Variants in ACSL1 observed in about 807,000 individuals in gnomAD.
The protein encoded by ACSL1 is acyl-CoA synthetase long chain family member 1.
In ACSL1, 41 loss-of-function variants were observed where a neutral mutation model predicts 98.4. The ratio of observed to expected loss-of-function variants is 0.42; its 90% CI spans 0.32 to 0.54. The LOEUF (loss-of-function observed/expected upper bound fraction) is 0.54, where lower values mean the gene tolerates loss of function less well. Ranked by LOEUF, ACSL1 falls within the 20% of genes least tolerant of loss-of-function variation. The pLI, the probability that ACSL1 is intolerant of heterozygous loss-of-function variation, is 0.13. For synonymous variants in ACSL1, 316 were observed against 322.7 expected (o/e 0.98, Z 0.22); for missense variants, 734 against 883.1 (o/e 0.83, Z 2.14).
At chr4:184,820,121 C>T (rs115511796) in intron 1 of ACSL1, among the ~76,000 whole-genome samples, 2,686 of 152,242 alleles carry the variant, frequency 0.018, 96 homozygotes, top group African/African-American at 0.06. Context: ...AAGTCACCCC[C>T]CTCCGATCCC....
chr4:184,805,530 C>T, intron 1 of ACSL1: 1 of 985,586 alleles, frequency 1.0e-6, no homozygotes, highest in Non-Finnish European at 1.2e-6. Context: ...CACTCACCAT[C>T]TGTGCCACCA....
intron 5 of ACSL1, among the ~76,000 whole-genome samples, chr4:184,780,083 G>A (rs1342464566): frequency 1.3e-5 from 2 of 152,274 alleles, no homozygotes; most frequent in East Asian, 1.9e-4. Flanking sequence ...TGTTGGTCAG[G>A]CTGGTCTGGA....
rs1327451606 is a variant in ACSL1 at position 184,763,171 on chromosome 4, C to T, written c.1517G>A (p.Gly506Asp). The change falls in exon 16 of 21, where the codon GGC (glycine) becomes GAC (aspartate). Residue 506 changes from glycine to aspartate, a missense_variant. Physicochemically the swap from Gly to Asp is moderately conservative, Grantham distance 94. Transcript: ENST00000281455. ...TGACTGACGGTTTTCACTCACCTCG[C>T]CCTCGCCCTCGGCAGCCATGTAATT... ...EMNYMAAEGE[G>D]EVCVKGPNVF... The T allele has an allele frequency of 6.2e-7, 1 of 1,613,312 alleles. No homozygotes were observed. Among genetic ancestry groups the T allele is most frequent in the Non-Finnish European group, 8.5e-7 (1 of 1,179,860 alleles).
At chr4:184,816,356 C>T (rs1012309920) in intron 1 of ACSL1, among the ~76,000 whole-genome samples, 18 of 151,924 alleles carry the variant, frequency 1.2e-4, no homozygotes, top group African/African-American at 4.4e-4. Flanking sequence ...GTGACAACCA[C>T]GAGACATGAG....
Position 184,776,821 on chromosome 4 carries a change from T to C in ACSL1, c.577+63A>G. The C allele has an allele frequency of 1.9e-6, 3 of 1,563,376 alleles. No homozygotes were observed. The South Asian group carries it at 3.4e-5, about 18-fold the overall frequency. ...CTTTGTCAAATCAAATGTAAGCAAA[T>C]GTAAAGTCACTGAACCTAACCAATA... On this transcript the variant is annotated intron_variant, in intron 6 of 20. Coordinates refer to ENST00000281455, the MANE Select transcript of ACSL1 (RefSeq NM_001995.5).
intron 7 of ACSL1, among the ~76,000 whole-genome samples, chr4:184,774,176 A>G (rs889989607): frequency 3.3e-5 from 5 of 152,174 alleles, no homozygotes; most frequent in Admixed American, 6.5e-5. Flanking sequence ...CAAAGTCTTT[A>G]CCATGCATTT....
chr4:184,792,974 A>C (rs1768661043), intron 2 of ACSL1, among the ~76,000 whole-genome samples: 1 of 152,160 alleles, frequency 6.6e-6, no homozygotes, highest in Non-Finnish European at 1.5e-5. Context: ...TTTAAATGAA[A>C]AATAGCTTAA....
At chr4:184,802,311 C>G (rs1390855660) in intron 2 of ACSL1, among the ~76,000 whole-genome samples, 4 of 152,184 alleles carry the variant, frequency 2.6e-5, no homozygotes, top group Admixed American at 2.0e-4. Context: ...AATGCTGACT[C>G]CAGCCAGGGC....
At position 184,763,233 on chromosome 4, in the gene ACSL1, C is replaced by T. The variant is rs373958064; in HGVS notation, c.1455G>A (p.Pro485=). Residue 485 remains proline, a synonymous_variant, in exon 16 of 21, where the codon CCG becomes CCA. Coordinates refer to ENST00000281455, the MANE Select transcript of ACSL1 (RefSeq NM_001995.5). ...CATCAACAAGTTTTATCAAATTGCA[C>T]GGCATCGGGGCCCCAACATGGCCTG... ...WTAGHVGAPM[P]CNLIKLVDVE... is the part of the protein sequence containing the mutation. The T allele has an allele frequency of 2.9e-5, 46 of 1,613,992 alleles. No homozygotes were observed. The highest frequency in any genetic ancestry group is 1.9e-4 in the African/African-American group (14 of 75,034).
At position 184,757,347 on chromosome 4, in the gene ACSL1, A is replaced by T; in HGVS notation, c.1957-82T>A. The T allele has an allele frequency of 6.7e-7, 1 of 1,485,868 alleles. No homozygotes were observed. Among genetic ancestry groups the T allele is most frequent in the African/African-American group, 1.4e-5 (1 of 71,548 alleles). 92.0% of individuals were successfully genotyped at this position (1,485,868 alleles called of 1,614,324 possible). A position where few individuals can be genotyped will look rare whatever the true frequency, so the allele number is the denominator to read the frequency against. On this transcript the variant is annotated intron_variant, in intron 20 of 20. Coordinates refer to ENST00000281455, the MANE Select transcript of ACSL1 (RefSeq NM_001995.5). The surrounding 1 kb of genome is among the most constrained non-coding windows in gnomAD (Gnocchi z 4.5). ...AAGCACGTAAGCCTTGGAGGGGATCAACACTCTCCAGCCATCCAATCCATC... is the reference window on the plus strand; with the variant it reads ...AAGCACGTAAGCCTTGGAGGGGATCTACACTCTCCAGCCATCCAATCCATC...
intron 1 of ACSL1, chr4:184,821,041 C>T: frequency 2.2e-6 from 1 of 456,290 alleles, no homozygotes; most frequent in Non-Finnish European, 4.4e-6. Context: ...ATCTTGTGTA[C>T]AGTAAGGATA....
intron 12 of ACSL1, among the ~76,000 whole-genome samples, chr4:184,767,345 T>C (rs1008390715): frequency 2.7e-5 from 4 of 150,920 alleles, no homozygotes; most frequent in Non-Finnish European, 5.9e-5. Flanking sequence ...AGTGGAATAC[T>C]ATTTGGCCGT....
chr4:184,816,527 G>A (rs945697352), intron 1 of ACSL1, among the ~76,000 whole-genome samples: 1 of 152,096 alleles, frequency 6.6e-6, no homozygotes, highest in Non-Finnish European at 1.5e-5. Flanking sequence ...GCCATTACCT[G>A]CTCGGAATGG....
In ACSL1 at chr4:184,776,975, A is replaced by C. The variant is rs1765385240; in HGVS notation, c.486T>G (p.Ile162Met). The C allele has an allele frequency of 1.2e-6, 2 of 1,613,972 alleles. No individual in the cohort carries two copies. Among genetic ancestry groups the C allele is most frequent in the Non-Finnish European group, 1.7e-6 (2 of 1,179,972 alleles). Residue 162 changes from isoleucine (I) to methionine (M), a missense_variant, in exon 6 of 21, where the codon ATT becomes ATG. Physicochemically the swap from Ile to Met is conservative, Grantham distance 10. Coordinates refer to ENST00000281455, the MANE Select transcript of ACSL1 (RefSeq NM_001995.5). ...AATAAGCAAAGCATCCTTGTTCAAT[A>C]ATCACCCACTAAACAAACAGTAAAG... ...IFAQNRPEWV[I>M]IEQGCFAYSM... is the part of the protein sequence containing the mutation.
chr4:184,777,159 C>T lies in ACSL1; in HGVS notation c.478-176G>A, dbSNP rs573482624. Among the ~76,000 whole-genome samples, 7 of 152,350 alleles carry T rather than the reference C, an allele frequency of 4.6e-5. No homozygotes were observed. The South Asian group carries it at 1.4e-3, about 32-fold the overall frequency. On this transcript the variant is annotated intron_variant, in intron 5 of 20. Transcript: ENST00000281455. The stretch of plus-strand genomic sequence containing the variant: ...AGGGATTCAGAATGAGAACAAAACA[C>T]ATGCCCCCTTCTTAAAAAGAAATTA...
intron 6 of ACSL1, 98 bp from the exon 7 acceptor site, chr4:184,776,760 T>C: frequency 1.3e-6 from 2 of 1,488,298 alleles, no homozygotes; most frequent in East Asian, 2.3e-5. Flanking sequence ...CTACATTCTT[T>C]GAATAAAAAG....
intron 1 of ACSL1, among the ~76,000 whole-genome samples, chr4:184,820,871 G>A (rs751228572): frequency 3.9e-5 from 6 of 152,148 alleles, no homozygotes; most frequent in African/African-American, 7.2e-5. Flanking sequence ...GTGAGCCACC[G>A]CACCTGGCCT....
chr4:184,776,829 C>A, intron 6 of ACSL1, 55 bp downstream of exon 6: 1 of 1,576,250 alleles, frequency 6.3e-7, no homozygotes, highest in South Asian at 1.1e-5. Context: ...AATGTAAAGT[C>A]ACTGAACCTA....
rs150468242 is a variant in ACSL1 at position 184,769,956 on chromosome 4, T to C, written c.993+443A>G. ...AAAAAATTAGTCGCAAGCCAACTTG[T>C]GCATTAGGAACAAGCACAATCAAAA... On this transcript the variant is annotated intron_variant, in intron 11 of 20. Coordinates refer to ENST00000281455, the MANE Select transcript of ACSL1 (RefSeq NM_001995.5). Among the ~76,000 whole-genome samples the C allele has an allele frequency of 3.3e-3, 501 of 152,310 alleles. 1 individual carries two copies. The highest frequency in any genetic ancestry group is 6.8e-3 in the Middle Eastern group (2 of 294).
Sources: allele counts gnomAD v4.1 joint callset (sites outside exome capture counted in the v4.1 genomes callset), GRCh38; gene constraint gnomAD v4.1.1; non-coding constraint Gnocchi (gnomAD v3.1); transcripts MANE v1.5; gene names NCBI Gene and HGNC (gene_info 2026-07-23, HGNC 2026-07-21).